The following NRBP2 variants were observed in gnomAD, a reference collection of about 807,000 sequenced individuals.
NRBP2 encodes the protein nuclear receptor binding protein 2.
NRBP2 carries 47 observed loss-of-function variants against 74.4 expected under a neutral mutation model. That is an observed-to-expected ratio of 0.63 (90% CI 0.50 to 0.81). NRBP2 has a LOEUF of 0.81. Ranked by LOEUF, NRBP2 falls within the 30% of genes least tolerant of loss-of-function variation. NRBP2 has a pLI of 0.00. For synonymous variants in NRBP2, 312 were observed against 273.8 expected, an observed-to-expected ratio of 1.14 and a Z score of -1.38; for missense variants, 613 against 690.1, an observed-to-expected ratio of 0.89 and a Z score of 1.25.
In NRBP2 at chr8:143,837,582, T is replaced by A; in HGVS notation, c.973+41A>T. The A allele has an allele frequency of 1.3e-6, 2 of 1,595,010 alleles. No individual in the cohort carries two copies. Among genetic ancestry groups the A allele is most frequent in the Non-Finnish European group, 1.7e-6 (2 of 1,171,758 alleles). The stretch of plus-strand genomic sequence containing the variant: ...GCAGGGCCCCTTCCACGTCCCAACC[T>A]CCACCTCCCCAGCCACCCCCCGGGC... On this transcript the variant is annotated intron_variant, in intron 11 of 17. Coordinates refer to ENST00000442628, the MANE Select transcript of NRBP2 (RefSeq NM_178564.4). This position sits in a 1 kb window ranked among gnomAD's most constrained non-coding sequence, Gnocchi z 4.3.
rs1321203426 is a variant in NRBP2, at chr8:143,839,096, A to C, written c.609T>G (p.Leu203=). The C allele has an allele frequency of 2.6e-6, 4 of 1,523,914 alleles. No homozygotes were observed. The East Asian group carries it at 9.8e-5, about 37-fold the overall frequency. The allele number at this position is 1,523,914 out of a possible 1,614,324, so 94.4% of individuals were successfully genotyped here. ...GGATGGGGCTTCGGAGATCATCTGG[A>C]AGTGCTGTGGGAGGGCGCAGAGCTG... ...SVWHRIFSNA[L]PDDLRSPIRA... is the part of the protein sequence containing the mutation. Residue 203 remains leucine (L), a synonymous_variant, in exon 8 of 18, where the codon CTT becomes CTG. Coordinates refer to ENST00000442628, the MANE Select transcript of NRBP2 (RefSeq NM_178564.4). The surrounding 1 kb of genome is among the most constrained non-coding windows in gnomAD (Gnocchi z 5.1).
chr8:143,837,808 C>T lies in NRBP2; in HGVS notation c.841-53G>A, dbSNP rs782223478. ...GTGTGCAAGGGCTCTCTGCTCTGGC[C>T]CCGCAGTTCGAGGAGAGGTGGCCCC... On this transcript the variant is annotated intron_variant, in intron 10 of 17. Coordinates refer to ENST00000442628, the MANE Select transcript of NRBP2 (RefSeq NM_178564.4). The surrounding 1 kb of genome is among the most constrained non-coding windows in gnomAD (Gnocchi z 4.3). 7.1e-6 allele frequency: 11 copies of T among 1,549,270 alleles called. No individual in the cohort carries two copies. Among genetic ancestry groups the T allele is most frequent in the Non-Finnish European group, 9.6e-6 (11 of 1,146,656 alleles).
At position 143,840,260 on chromosome 8, in the gene NRBP2, T is replaced by C; in HGVS notation, c.130-31A>G. 1.3e-6 allele frequency: 2 copies of C among 1,535,352 alleles called. No homozygotes were observed. The highest frequency in any genetic ancestry group is 1.7e-6 in the Non-Finnish European group (2 of 1,146,476). ...GGTGAATAAAGGGTTATGTGTGCCC[T>C]GGTGTGTGTCAGGGTTGTGGGTGAG... On this transcript the variant is annotated intron_variant, in intron 1 of 17. Transcript: ENST00000442628. The surrounding 1 kb of genome is among the most constrained non-coding windows in gnomAD (Gnocchi z 5.7).
chr8:143,838,978 C>G (rs1554652700), intron 8 of NRBP2, 39 bp downstream of exon 8: 1 of 1,569,376 alleles, frequency 6.4e-7, no homozygotes, highest in Admixed American at 1.9e-5. Flanking sequence ...GAGAGAAGCG[C>G]AGGGTAGGCA....
rs782190741 is a variant in NRBP2 at position 143,838,666 on chromosome 8, G to A, written c.840+14C>T. On this transcript the variant is annotated intron_variant, in intron 10 of 17. Transcript: ENST00000442628. ...CGGTGAGCCAGCTGGGGAGGGGCAGGGCAAGCTGCTTACCCGCATGTTGGG... is the reference window on the plus strand; with the variant it reads ...CGGTGAGCCAGCTGGGGAGGGGCAGAGCAAGCTGCTTACCCGCATGTTGGG... 76 of 1,592,770 alleles carry A rather than the reference G, an allele frequency of 4.8e-5. 2 individuals carry two copies. The Admixed American group carries it at 8.7e-4, about 18-fold the overall frequency.
Position 143,837,418 on chromosome 8 carries a change from C to CG in NRBP2, c.1064dup (p.Leu356AlafsTer61), listed in dbSNP as rs1563861088. The CG allele has an allele frequency of 6.2e-7, 1 of 1,600,688 alleles. No individual in the cohort carries two copies. The highest frequency in any genetic ancestry group is 1.3e-5 in the African/African-American group (1 of 74,750). On this transcript the variant is annotated frameshift_variant, in exon 12 of 18. Coordinates refer to ENST00000442628, the MANE Select transcript of NRBP2 (RefSeq NM_178564.4). LOFTEE classifies it high-confidence loss of function. The surrounding 1 kb of genome is among the most constrained non-coding windows in gnomAD (Gnocchi z 4.3). ...TGCTGACTGCTCACCGCCACTGCAG[C>CG]GGGGGCCTGCGGGGCCGGGGAAGCT...
downstream of NRBP2, among the ~76,000 whole-genome samples, chr8:143,830,371 C>T (rs1218813651): frequency 1.3e-5 from 2 of 152,242 alleles, no homozygotes; most frequent in African/African-American, 2.4e-5. Flanking sequence ...CCCTACCCAC[C>T]GGGGCTGGCA....
intron 9 of NRBP2, 46 bp from the exon 10 acceptor site, chr8:143,838,821 TGAGCCAGG>T (rs1818547668): frequency 2.5e-6 from 4 of 1,611,556 alleles, no homozygotes; most frequent in East Asian, 4.5e-5. Flanking sequence ...ACCACACAGG[TGAGCCAGG>T]CAGGGCACAG....
downstream of NRBP2, among the ~76,000 whole-genome samples, chr8:143,832,019 T>C (rs1240320920): frequency 6.6e-6 from 1 of 152,264 alleles, no homozygotes; most frequent in Non-Finnish European, 1.5e-5. Context: ...ATCAGATTGT[T>C]ACTGTGTCTG....
chr8:143,836,224 C>A, intron 14 of NRBP2, 44 bp from the exon 15 acceptor site: 2 of 1,487,592 alleles, frequency 1.3e-6, no homozygotes, highest in Non-Finnish European at 1.8e-6. Context: ...AGCAGCAAGA[C>A]CACATGCCGC....
chr8:143,830,269 G>C (rs949922286), downstream of NRBP2, among the ~76,000 whole-genome samples: 2 of 152,248 alleles, frequency 1.3e-5, no homozygotes, highest in Non-Finnish European at 2.9e-5. Context: ...GGTGGACAGC[G>C]AGAGCTACTC....
chr8:143,839,016 C>T lies in NRBP2; in HGVS notation c.688+1G>A, dbSNP rs782343035. 3 of 1,547,412 alleles carry T rather than the reference C, an allele frequency of 1.9e-6. No homozygotes were observed. Among genetic ancestry groups the T allele is most frequent in the Non-Finnish European group, 2.6e-6 (3 of 1,146,710 alleles). On this transcript the variant is annotated splice_donor_variant, in intron 8 of 17. Coordinates refer to ENST00000442628, the MANE Select transcript of NRBP2 (RefSeq NM_178564.4). LOFTEE classifies it high-confidence loss of function. The surrounding 1 kb of genome is among the most constrained non-coding windows in gnomAD (Gnocchi z 5.1). The stretch of plus-strand genomic sequence containing the variant: ...GGGCACCCGGACCCAGCACCACTCA[C>T]CTCCATACTCTGGGGGGAAGAAGTG...
In NRBP2 at chr8:143,839,069, GCGGA is replaced by G. The variant is rs1563863608; in HGVS notation, c.632_635del (p.Ile211ThrfsTer63). 1 of 1,532,670 alleles carries G rather than the reference GCGGA, an allele frequency of 6.5e-7. No individual in the cohort carries two copies. Among genetic ancestry groups the G allele is most frequent in the Admixed American group, 2.0e-5 (1 of 50,758 alleles). The allele number at this position is 1,532,670 out of a possible 1,614,324, so 94.9% of individuals were successfully genotyped here. A position where few individuals can be genotyped will look rare whatever the true frequency, so the allele number is the denominator to read the frequency against. ...GGTTCCGAAGTTCCTCTCGCTCAGC[GCGGA>G]TGGGGCTTCGGAGATCATCTGGAAG... is the stretch of plus-strand genomic sequence containing the variant. On this transcript the variant is annotated frameshift_variant, in exon 8 of 18. Coordinates refer to ENST00000442628, the MANE Select transcript of NRBP2 (RefSeq NM_178564.4). LOFTEE classifies it high-confidence loss of function. This position sits in a 1 kb window ranked among gnomAD's most constrained non-coding sequence, Gnocchi z 5.1.
chr8:143,836,698 T>TGGG (rs58600986), intron 14 of NRBP2, among the ~76,000 whole-genome samples: 233 of 10,112 alleles, frequency 0.023, 4 homozygotes, highest in African/African-American at 0.04. Context: ...ATGGGAGGGG[T>TGGG]GGGGGGGGTG....
At position 143,840,777 on chromosome 8, in the gene NRBP2, C is replaced by CCTCCCGCTCCCG. The variant is rs1244043487; in HGVS notation, c.46_57dup (p.Arg16_Glu19dup). 6.6e-7 allele frequency: 1 copy of CCTCCCGCTCCCG among 1,510,114 alleles called. No individual in the cohort carries two copies. The highest frequency in any genetic ancestry group is 8.8e-7 in the Non-Finnish European group (1 of 1,135,356). 93.5% of individuals were successfully genotyped at this position (1,510,114 alleles called of 1,614,324 possible). A position where few individuals can be genotyped will look rare whatever the true frequency, so the allele number is the denominator to read the frequency against. On this transcript the variant is annotated inframe_insertion, in exon 1 of 18. Transcript: ENST00000442628. This position sits in a 1 kb window ranked among gnomAD's most constrained non-coding sequence, Gnocchi z 5.7. ...ATGTCGCTCTCGTCCTCGCTCTCGT[C>CCTCCCGCTCCCG]CTCCCGCTCCCGCTCCCGTTCCCGG...
At chr8:143,836,249 CGGGAAGGGACAG>C in intron 14 of NRBP2, 69 bp from the exon 15 acceptor site, 1 of 1,446,062 alleles carries the variant, frequency 6.9e-7, no homozygotes. Context: ...CCAAAGGGGC[CGGGAAGGGACAG>C]CAAAGACTGG....
At position 143,837,551 on chromosome 8, in the gene NRBP2, G is replaced by A. The variant is rs1586656636; in HGVS notation, c.974-42C>T. ...ATCAAGGCGGTGTGCTCAGGCCGTGGGTCCTGCAGGGCCCCTTCCACGTCC... is the reference window on the plus strand; with the variant it reads ...ATCAAGGCGGTGTGCTCAGGCCGTGAGTCCTGCAGGGCCCCTTCCACGTCC... On this transcript the variant is annotated intron_variant, in intron 11 of 17. Transcript: ENST00000442628. This position sits in a 1 kb window ranked among gnomAD's most constrained non-coding sequence, Gnocchi z 4.3. The A allele has an allele frequency of 1.3e-6, 2 of 1,595,450 alleles. No individual in the cohort carries two copies. Among genetic ancestry groups the A allele is most frequent in the South Asian group, 2.3e-5 (2 of 88,218 alleles).
chr8:143,836,015 C>T lies in NRBP2; in HGVS notation c.1333G>A (p.Val445Met). 6.3e-7 allele frequency: 1 copy of T among 1,575,834 alleles called. No homozygotes were observed. Among genetic ancestry groups the T allele is most frequent in the Non-Finnish European group, 8.6e-7 (1 of 1,160,856 alleles). ...TGCCGGTGCAGCCGGTCTTCCAGCACCAGAAGCAGAGTGAGCTGGGGAGGC... is the reference window on the plus strand; with the variant it reads ...TGCCGGTGCAGCCGGTCTTCCAGCATCAGAAGCAGAGTGAGCTGGGGAGGC... ...KARWHLTLLLVLEDRLHRQLT... is the reference protein window; with the variant it reads ...KARWHLTLLLMLEDRLHRQLT... The change falls in exon 16 of 18, where the codon GTG becomes ATG. Residue 445 changes from valine to methionine, a missense_variant. Physicochemically the swap from Val to Met is conservative, Grantham distance 21. Coordinates refer to ENST00000442628, the MANE Select transcript of NRBP2 (RefSeq NM_178564.4).
rs989684354 is a variant in NRBP2, at chr8:143,840,302, A to G, written c.130-73T>C. On this transcript the variant is annotated intron_variant, in intron 1 of 17. Coordinates refer to ENST00000442628, the MANE Select transcript of NRBP2 (RefSeq NM_178564.4). This position sits in a 1 kb window ranked among gnomAD's most constrained non-coding sequence, Gnocchi z 5.7. ...GTGGGTGAGGATTTGGTCCCTGTCCACACCTTTCCAGTGGGCCCAAGCGTG... is the reference window on the plus strand; with the variant it reads ...GTGGGTGAGGATTTGGTCCCTGTCCGCACCTTTCCAGTGGGCCCAAGCGTG... The G allele has an allele frequency of 5.3e-6, 8 of 1,514,926 alleles. No individual in the cohort carries two copies. The Admixed American group carries it at 8.0e-5, about 15-fold the overall frequency. The allele number at this position is 1,514,926 out of a possible 1,614,324, so 93.8% of individuals were successfully genotyped here.
Sources: allele counts gnomAD v4.1 joint callset (sites outside exome capture counted in the v4.1 genomes callset), GRCh38; gene constraint gnomAD v4.1.1; non-coding constraint Gnocchi (gnomAD v3.1); transcripts MANE v1.5; gene names NCBI Gene and HGNC (gene_info 2026-07-23, HGNC 2026-07-21).